NKAIN3: variants seen among roughly 807,000 people sequenced by gnomAD.
NKAIN3 encodes the protein sodium/potassium-transporting ATPase subunit beta-1-interacting protein 3.
In NKAIN3, 25 loss-of-function variants were observed where a neutral mutation model predicts 30.2. The observed-to-expected ratio is 0.83, with a 90% CI of 0.60 to 1.16. The LOEUF (loss-of-function observed/expected upper bound fraction) is 1.16, where lower values mean the gene tolerates loss of function less well. NKAIN3 is among the 50% of genes most tolerant of loss of function. The pLI, the probability that NKAIN3 is intolerant of heterozygous loss-of-function variation, is 0.00. For missense variants in NKAIN3, 225 were observed against 254.1 expected (o/e 0.89, Z 0.78); for synonymous variants, 91 against 89.6 (o/e 1.02, Z -0.09).
intron 1 of NKAIN3, among the ~76,000 whole-genome samples, chr8:62,264,682 C>G (rs1812552517): frequency 6.6e-6 from 1 of 152,178 alleles, no homozygotes; most frequent in African/African-American, 2.4e-5. Context: ...CAAGCTCTTA[C>G]TACTGAGAAA....
At chr8:62,438,586 G>A (rs1423396215) in intron 1 of NKAIN3, among the ~76,000 whole-genome samples, 4 of 152,086 alleles carry the variant, frequency 2.6e-5, no homozygotes, top group African/African-American at 9.7e-5. Flanking sequence ...CTTTGAGAAG[G>A]AGGCTCACTC....
At chr8:62,741,373 A>T (rs367998446) in intron 3 of NKAIN3, among the ~76,000 whole-genome samples, 9 of 127,062 alleles carry the variant, frequency 7.1e-5, no homozygotes, top group Admixed American at 5.4e-4. Flanking sequence ...GAAGGAAGGA[A>T]GGAAGGAAGG....
chr8:62,826,214 A>T (rs1227550769), intron 4 of NKAIN3, among the ~76,000 whole-genome samples: 1 of 152,190 alleles, frequency 6.6e-6, no homozygotes, highest in Non-Finnish European at 1.5e-5. Context: ...CCATGAAGGC[A>T]ATTTGAGCCA....
At chr8:62,828,852 C>T (rs1219619250) in intron 4 of NKAIN3, among the ~76,000 whole-genome samples, 1 of 152,100 alleles carries the variant, frequency 6.6e-6, no homozygotes, top group Non-Finnish European at 1.5e-5. Flanking sequence ...GGCTGAGCTC[C>T]CAGCCAGCAG....
At chr8:62,503,590 G>A (rs977797639) in intron 1 of NKAIN3, among the ~76,000 whole-genome samples, 3 of 151,956 alleles carry the variant, frequency 2.0e-5, no homozygotes, top group Admixed American at 6.6e-5. Context: ...TATCTCAACC[G>A]CATAGGACAG....
rs754334519 is a variant in NKAIN3, at chr8:62,965,385, T to C, written c.635T>C (p.Met212Thr). 108 of 985,628 alleles carry C rather than the reference T, an allele frequency of 1.1e-4. No homozygotes were observed. Among genetic ancestry groups the C allele is most frequent in the Non-Finnish European group, 1.3e-4 (108 of 829,914 alleles). 61.1% of individuals were successfully genotyped at this position (985,628 alleles called of 1,614,324 possible). A position where few individuals can be genotyped will look rare whatever the true frequency, so the allele number is the denominator to read the frequency against. ...VEISNDIEPEMRLLNLT is the reference protein window; with the variant it reads ...VEISNDIEPETRLLNLT The stretch of plus-strand genomic sequence containing the variant: ...ATAAGTAATGACATTGAACCAGAAA[T>C]GCGGCTGCTGAACTTGACTTAGGGA... The change falls in exon 7 of 7, where the codon ATG (methionine) becomes ACG (threonine). Residue 212 changes from methionine (M) to threonine (T), a missense_variant. Met to Thr is a moderately conservative substitution (Grantham distance 81, BLOSUM62 -1). Transcript: ENST00000623646.
rs1804167832 is a variant in NKAIN3, at chr8:62,998,197, G to C, written c.533-1034G>C. ...CTATAATGGTGTCAAATATTAGTCA[G>C]AGGGTTAAGTTGTAAAATGAGTGCA... On this transcript the variant is annotated intron_variant, in intron 5 of 5. Transcript: ENST00000519049. 4.6e-5 allele frequency among the ~76,000 whole-genome samples: 7 copies of C among 152,204 alleles called. No homozygotes were observed. In the South Asian group the frequency reaches 1.4e-3, roughly 32 times the overall value.
chr8:62,504,762 T>C (rs79081051), intron 1 of NKAIN3, among the ~76,000 whole-genome samples: 2,733 of 152,298 alleles, frequency 0.018, 33 homozygotes, highest in Non-Finnish European at 0.03. Flanking sequence ...GATGCTATAA[T>C]TCCTTTAGCT....
intron 1 of NKAIN3, among the ~76,000 whole-genome samples, chr8:62,537,589 A>G (rs1406778095): frequency 2.6e-5 from 4 of 151,458 alleles, no homozygotes; most frequent in East Asian, 1.9e-4. Context: ...TATTTTGACT[A>G]TATTACTCCA....
At chr8:62,719,453 G>A (rs1031195450) in intron 3 of NKAIN3, among the ~76,000 whole-genome samples, 1 of 152,152 alleles carries the variant, frequency 6.6e-6, no homozygotes, top group Non-Finnish European at 1.5e-5. Context: ...TGCTAAATTT[G>A]TGTTGACCAG....
chr8:62,501,284 C>T (rs1282787259), intron 1 of NKAIN3, among the ~76,000 whole-genome samples: 1 of 152,188 alleles, frequency 6.6e-6, no homozygotes, highest in Non-Finnish European at 1.5e-5. Flanking sequence ...CCCATACTCA[C>T]TGCCACCCTC....
At chr8:62,553,822 G>A (rs1449346318) in intron 1 of NKAIN3, among the ~76,000 whole-genome samples, 1 of 152,048 alleles carries the variant, frequency 6.6e-6, no homozygotes, top group East Asian at 1.9e-4. Flanking sequence ...ACAGGTGTGA[G>A]CCACCACACC....
At chr8:62,599,172 C>T (rs1184512275) in intron 3 of NKAIN3, among the ~76,000 whole-genome samples, 1 of 152,084 alleles carries the variant, frequency 6.6e-6, no homozygotes, top group Non-Finnish European at 1.5e-5. Flanking sequence ...ATCACAGCCT[C>T]CAGATATTCC....
intron 1 of NKAIN3, among the ~76,000 whole-genome samples, chr8:62,532,658 T>C (rs1808524259): frequency 6.6e-6 from 1 of 152,188 alleles, no homozygotes; most frequent in Non-Finnish European, 1.5e-5. Flanking sequence ...TATATGTGAG[T>C]CTGATTAGCA....
intron 1 of NKAIN3, among the ~76,000 whole-genome samples, chr8:62,361,647 C>T (rs976339697): frequency 6.6e-6 from 1 of 152,058 alleles, no homozygotes; most frequent in Non-Finnish European, 1.5e-5. Flanking sequence ...TTTTGTTAAA[C>T]GAAATGTACT....
chr8:62,625,799 C>G (rs748359534), intron 3 of NKAIN3, among the ~76,000 whole-genome samples: 1 of 151,986 alleles, frequency 6.6e-6, no homozygotes, highest in African/African-American at 2.4e-5. Flanking sequence ...TGTTGGGATT[C>G]TTTTTGAGCC....
intron 6 of NKAIN3, 21 bp downstream of exon 6, chr8:62,953,993 A>T: frequency 1.1e-6 from 1 of 880,306 alleles, no homozygotes; most frequent in Non-Finnish European, 1.4e-6. Context: ...GTGTGATGAT[A>T]TGGAAAATAT....
At chr8:62,944,447 T>C (rs1221739530) in intron 5 of NKAIN3, among the ~76,000 whole-genome samples, 1 of 152,208 alleles carries the variant, frequency 6.6e-6, no homozygotes, top group Non-Finnish European at 1.5e-5. Flanking sequence ...GAAATTTTTA[T>C]TGGGCTTTCT....
intron 4 of NKAIN3, among the ~76,000 whole-genome samples, chr8:62,873,093 A>C (rs940218794): frequency 1.3e-5 from 2 of 152,136 alleles, no homozygotes; most frequent in Non-Finnish European, 2.9e-5. Flanking sequence ...TATTCAAGAG[A>C]CCCATCCTGT....
Sources: gnomAD v4.1 joint callset for allele counts (sites outside exome capture counted in the v4.1 genomes callset) on GRCh38, gnomAD v4.1.1 for gene constraint, MANE v1.5 for transcripts, NCBI Gene and HGNC (gene_info 2026-07-23, HGNC 2026-07-21) for gene names.